Variants in TXNDC11 observed in about 807,000 individuals in gnomAD.
TXNDC11 encodes the protein thioredoxin domain containing 11, also known as thioredoxin domain-containing protein 11.
A neutral mutation model predicts 78.0 loss-of-function variants in TXNDC11; 68 were observed. The ratio of observed to expected loss-of-function variants is 0.87; its 90% CI spans 0.72 to 1.07. The LOEUF (loss-of-function observed/expected upper bound fraction) is 1.07, where lower values mean the gene tolerates loss of function less well. Among genes scored for constraint, TXNDC11 ranks in the 50% least tolerant of loss-of-function variants. The pLI is 0.00. For synonymous variants in TXNDC11, 571 were observed against 495.2 expected, an observed-to-expected ratio of 1.15 and a Z score of -2.03; for missense variants, 1,389 against 1,221.8, an observed-to-expected ratio of 1.14 and a Z score of -2.04.
At chr16:11,697,996 CAG>C (rs2141025838) in intron 7 of TXNDC11, 127 bp downstream of exon 7, 1 of 867,986 alleles carries the variant, frequency 1.2e-6, no homozygotes, top group Non-Finnish European at 1.9e-6. Context: ...GAGCAATGCT[CAG>C]AGCCACAGCT....
chr16:11,722,862 C>T (rs2051752348), intron 4 of TXNDC11, among the ~76,000 whole-genome samples: 1 of 152,126 alleles, frequency 6.6e-6, no homozygotes, highest in African/African-American at 2.4e-5. Context: ...AAAGAGGAAA[C>T]TTTTGATCTG....
intron 4 of TXNDC11, among the ~76,000 whole-genome samples, chr16:11,722,661 A>G (rs2051744594): frequency 6.6e-6 from 1 of 152,184 alleles, no homozygotes; most frequent in African/African-American, 2.4e-5. Context: ...GGGTTAGGCA[A>G]AGAGCAAGCC....
chr16:11,711,169 C>CAG (rs1555486721), intron 5 of TXNDC11, among the ~76,000 whole-genome samples: 3 of 152,020 alleles, frequency 2.0e-5, no homozygotes, highest in Non-Finnish European at 4.4e-5. Context: ...AGGGAATCAC[C>CAG]ATATCATATC....
chr16:11,736,387 G>A (rs961644438), intron 1 of TXNDC11, among the ~76,000 whole-genome samples, 154 bp from the exon 2 acceptor site: 1 of 152,224 alleles, frequency 6.6e-6, no homozygotes, highest in African/African-American at 2.4e-5. Flanking sequence ...ATCTGGCTGA[G>A]CAAATGCAAG....
chr16:11,686,880 C>T (rs1365822227), intron 10 of TXNDC11, among the ~76,000 whole-genome samples: 1 of 152,142 alleles, frequency 6.6e-6, no homozygotes, highest in Non-Finnish European at 1.5e-5. Context: ...GGCAACTTGT[C>T]GAATCTTTCT....
chr16:11,709,423 A>ATTTTTTTTTTT (rs149701958), intron 5 of TXNDC11, among the ~76,000 whole-genome samples: 9 of 55,572 alleles, frequency 1.6e-4, no homozygotes, highest in African/African-American at 2.4e-4. Context: ...AATTTTTTGT[A>ATTTTTTTTTTT]TTTTTTTTTT....
chr16:11,679,738 C>T lies in TXNDC11; in HGVS notation c.2334G>A (p.Gln778=). Residue 778 remains glutamine, a synonymous_variant, in exon 12 of 12, where the codon CAG becomes CAA. Transcript: ENST00000283033. The surrounding 1 kb of genome is among the most constrained non-coding windows in gnomAD (Gnocchi z 4.6). ...LHHSDPASSP[Q]NVANSPTKEC... ...CCTTGGTAGGAGAGTTAGCCACATTCTGGGGGCTGGAAGCAGGGTCTGAGT... is the reference window on the plus strand; with the variant it reads ...CCTTGGTAGGAGAGTTAGCCACATTTTGGGGGCTGGAAGCAGGGTCTGAGT... The T allele has an allele frequency of 6.2e-7, 1 of 1,614,184 alleles. No homozygotes were observed. The highest frequency in any genetic ancestry group is 8.5e-7 in the Non-Finnish European group (1 of 1,180,034).
chr16:11,705,238 T>G (rs1294560995), intron 5 of TXNDC11, among the ~76,000 whole-genome samples: 1 of 152,164 alleles, frequency 6.6e-6, no homozygotes, highest in Non-Finnish European at 1.5e-5. Context: ...CACCTAACAA[T>G]TGGTTATGTA....
intron 5 of TXNDC11, among the ~76,000 whole-genome samples, chr16:11,705,704 C>A (rs1220822969): frequency 2.0e-5 from 3 of 152,170 alleles, no homozygotes; most frequent in Non-Finnish European, 4.4e-5. Context: ...ATTATAATTT[C>A]AAAACTTTAT....
chr16:11,682,186 C>A (rs748199034), intron 11 of TXNDC11, among the ~76,000 whole-genome samples: 1 of 152,262 alleles, frequency 6.6e-6, no homozygotes, highest in Non-Finnish European at 1.5e-5. Context: ...TCAGCTCACG[C>A]TGCTTGCCCA....
At position 11,684,260 on chromosome 16, in the gene TXNDC11, G is replaced by T. The variant is rs935332035; in HGVS notation, c.2154-15C>A. 1.3e-6 allele frequency: 2 copies of T among 1,596,760 alleles called. No individual in the cohort carries two copies. The highest frequency in any genetic ancestry group is 1.7e-6 in the Non-Finnish European group (2 of 1,165,008). ...ACACGTCAATCCTGGTAAAGGGAAA[G>T]AACAGAAATGGCAGATGATCAGCCC... On this transcript the variant is annotated splice_polypyrimidine_tract_variant and intron_variant, in intron 10 of 11. Coordinates refer to ENST00000283033, the MANE Select transcript of TXNDC11 (RefSeq NM_015914.7).
In TXNDC11 at chr16:11,679,604, T is replaced by C. The variant is rs1202690345; in HGVS notation, c.2468A>G (p.Gln823Arg). ...GGCACTGGAGAGCTGGGACTCCACC[T>C]GCACTTGTGCTCGCTGGAGGCTGCT... ...EISSLQRAQV[Q>R]VESQLSSARR... Residue 823 changes from glutamine (Q) to arginine (R), a missense_variant, in exon 12 of 12, where the codon CAG (glutamine) becomes CGG (arginine). Coordinates refer to ENST00000283033, the MANE Select transcript of TXNDC11 (RefSeq NM_015914.7). The surrounding 1 kb of genome is among the most constrained non-coding windows in gnomAD (Gnocchi z 4.6). 1 of 1,614,184 alleles carries C rather than the reference T, an allele frequency of 6.2e-7. No individual in the cohort carries two copies. The highest frequency in any genetic ancestry group is 8.5e-7 in the Non-Finnish European group (1 of 1,180,040).
At chr16:11,692,233 G>A (rs566927284) in intron 7 of TXNDC11, 151 bp from the exon 8 acceptor site, 19 of 677,474 alleles carry the variant, frequency 2.8e-5, no homozygotes, top group African/African-American at 1.7e-4. Flanking sequence ...TAAACAAGTC[G>A]TAAGTTTTAA....
chr16:11,698,298 T>C lies in TXNDC11; in HGVS notation c.934A>G (p.Thr312Ala). The C allele has an allele frequency of 1.2e-6, 2 of 1,613,774 alleles. No individual in the cohort carries two copies. Among genetic ancestry groups the C allele is most frequent in the Non-Finnish European group, 1.7e-6 (2 of 1,180,012 alleles). ...LVFPREVLNY[T>A]AENICKWALE... is the part of the protein sequence containing the mutation. Reference sequence around the variant, plus strand: ...GCCCACTTACAGATGTTCTCAGCTGTGTAGTTCAGGACCTCCCTGGGGAAG... The same window carrying C: ...GCCCACTTACAGATGTTCTCAGCTGCGTAGTTCAGGACCTCCCTGGGGAAG... Residue 312 changes from threonine (T) to alanine (A), a missense_variant, in exon 7 of 12, where the codon ACA becomes GCA. Coordinates refer to ENST00000283033, the MANE Select transcript of TXNDC11 (RefSeq NM_015914.7).
chr16:11,688,208 T>C lies in TXNDC11; in HGVS notation c.2043+95A>G, dbSNP rs1036038651. Reference sequence around the variant, plus strand: ...GGGCCATCACGTGGTTACTCTTCTATACATCAAAAACAGCTGCTCACCCCA... The same window carrying C: ...GGGCCATCACGTGGTTACTCTTCTACACATCAAAAACAGCTGCTCACCCCA... On this transcript the variant is annotated intron_variant, in intron 9 of 11. Transcript: ENST00000283033. The C allele has an allele frequency of 7.2e-6, 10 of 1,386,342 alleles. No individual in the cohort carries two copies. The African/African-American group carries it at 8.6e-5, about 12-fold the overall frequency. 85.9% of individuals were successfully genotyped at this position (1,386,342 alleles called of 1,614,324 possible). A position where few individuals can be genotyped will look rare whatever the true frequency, so the allele number is the denominator to read the frequency against.
chr16:11,691,814 C>T lies in TXNDC11; in HGVS notation c.1376G>A (p.Ser459Asn), dbSNP rs1445037300. Residue 459 changes from serine (S) to asparagine (N), a missense_variant, in exon 8 of 12, where the codon AGC becomes AAC. Ser to Asn is a conservative substitution (Grantham distance 46). Transcript: ENST00000283033. ...TSGGMKPSSV[S>N]VPQCSFFEMA... ...TTCAAAAAAGCTGCACTGTGGCACGCTGACCGAGCTCGGCTTCATGCCCCC... is the reference window on the plus strand; with the variant it reads ...TTCAAAAAAGCTGCACTGTGGCACGTTGACCGAGCTCGGCTTCATGCCCCC... 1.9e-6 allele frequency: 3 copies of T among 1,614,132 alleles called. No homozygotes were observed. The Admixed American group carries it at 5.0e-5, about 27-fold the overall frequency.
chr16:11,701,118 C>T (rs1165534058), intron 5 of TXNDC11, among the ~76,000 whole-genome samples: 3 of 150,248 alleles, frequency 2.0e-5, no homozygotes, highest in East Asian at 1.9e-4. Context: ...TTCCTTTGGC[C>T]CAATGTCCTC....
In TXNDC11 at chr16:11,703,732, G is replaced by C. The variant is rs1277292109; in HGVS notation, c.794-3168C>G. On this transcript the variant is annotated intron_variant, in intron 5 of 11. Coordinates refer to ENST00000283033, the MANE Select transcript of TXNDC11 (RefSeq NM_015914.7). Reference sequence around the variant, plus strand: ...AGTAAAAGAAACCAGGGCCCTTGGAGAAGAGGTTGATTCCAGAGCTGGGGT... The same window carrying C: ...AGTAAAAGAAACCAGGGCCCTTGGACAAGAGGTTGATTCCAGAGCTGGGGT... 7.1e-6 allele frequency: 5 copies of C among 701,738 alleles called. No individual in the cohort carries two copies. The South Asian group carries it at 7.4e-5, about 10-fold the overall frequency. The allele number at this position is 701,738 out of a possible 1,614,324, so 43.5% of individuals were successfully genotyped here.
rs140863198 is a variant in TXNDC11, at chr16:11,717,366, C to T, written c.793+4211G>A. On this transcript the variant is annotated intron_variant, in intron 5 of 11. Transcript: ENST00000283033. ...GGCATGAGAATCCCTTGAACCTGGG[C>T]GGAGGTTGCAGTGAGCTGAGATCAT... Among the ~76,000 whole-genome samples, 329 of 124,586 alleles carry T rather than the reference C, an allele frequency of 2.6e-3. 1 individual carries two copies. Among genetic ancestry groups the T allele is most frequent in the African/African-American group, 9.4e-3 (311 of 33,108 alleles). The allele number at this position is 124,586 out of a possible 152,430, so 81.7% of individuals were successfully genotyped here. A position where few individuals can be genotyped will look rare whatever the true frequency, so the allele number is the denominator to read the frequency against.
Sources: allele counts gnomAD v4.1 joint callset (sites outside exome capture counted in the v4.1 genomes callset), GRCh38; gene constraint gnomAD v4.1.1; non-coding constraint Gnocchi (gnomAD v3.1); transcripts MANE v1.5; gene names NCBI Gene and HGNC (gene_info 2026-07-23, HGNC 2026-07-21).